The following CARD8 variants were observed in gnomAD, a reference collection of about 807,000 sequenced individuals.
CARD8 encodes the protein caspase recruitment domain family member 8, also known as caspase recruitment domain-containing protein 8.
Under a neutral mutation model 53.2 loss-of-function variants are expected in CARD8, and 38 were observed. The observed-to-expected ratio is 0.71, with a 90% CI of 0.55 to 0.94. CARD8 has a LOEUF of 0.94. Among genes scored for constraint, CARD8 ranks in the 40% least tolerant of loss-of-function variants. The pLI is 0.00. For missense variants in CARD8, 561 were observed against 655.5 expected (o/e 0.86, Z 1.57); for synonymous variants, 245 against 244.9 (o/e 1.00, Z 0.00).
chr19:48,209,977 T>C lies in CARD8; in HGVS notation c.*1733A>G, dbSNP rs2037736863. 1 of 152,230 alleles carries C rather than the reference T, an allele frequency of 6.6e-6. No homozygotes were observed. Among genetic ancestry groups the C allele is most frequent in the Non-Finnish European group, 1.5e-5 (1 of 68,040 alleles). The allele number at this position is 152,230 out of a possible 1,614,324, so 9.4% of individuals were successfully genotyped here. On this transcript the variant is annotated 3_prime_UTR_variant, in exon 14 of 14. Coordinates refer to ENST00000651546, the MANE Select transcript of CARD8 (RefSeq NM_001184900.3). ...TAAAAAGTATTTTTAGAAATTAGGC[T>C]GAAAACCTCTAAGTTTGGTAAAAGA...
chr19:48,232,480 G>A lies in CARD8; in HGVS notation c.364C>T (p.Gln122Ter). The change falls in exon 7 of 14, where the codon CAG becomes TAG. Residue 122 changes from glutamine (Q) to a stop codon, truncating the protein, a stop_gained. Coordinates refer to ENST00000651546, the MANE Select transcript of CARD8 (RefSeq NM_001184900.3). LOFTEE classifies it high-confidence loss of function. The stretch of plus-strand genomic sequence containing the variant: ...GAATCTTGTCCCTCTGAAGATTCCT[G>A]CTCTTCTGATACACTGGAGGTTGGG... Reference protein sequence around the residue: ...GGDIPSVSEEQESSEGQDSGD... With the variant: ...GGDIPSVSEE 6.5e-7 allele frequency: 1 copy of A among 1,535,844 alleles called. No homozygotes were observed. The highest frequency in any genetic ancestry group is 8.7e-7 in the Non-Finnish European group (1 of 1,146,646).
At position 48,215,417 on chromosome 19, in the gene CARD8, G is replaced by GAGATAAAT. The variant is rs2039064948; in HGVS notation, c.1304-41_1304-34dup. The GAGATAAAT allele has an allele frequency of 3.4e-6, 5 of 1,489,070 alleles. No individual in the cohort carries two copies. The Middle Eastern group carries it at 6.8e-4, about 203-fold the overall frequency. 92.2% of individuals were successfully genotyped at this position (1,489,070 alleles called of 1,614,324 possible). ...AGAGGGAAAAATTATATGATGAGAT[G>GAGATAAAT]AGATAAATCATGTACCCTTATTTAG... On this transcript the variant is annotated intron_variant, in intron 12 of 13. Transcript: ENST00000651546.
intron 5 of CARD8, among the ~76,000 whole-genome samples, chr19:48,235,356 G>A (rs554065107): frequency 6.6e-6 from 1 of 152,268 alleles, no homozygotes; most frequent in African/African-American, 2.4e-5. Context: ...TGTTAAATGT[G>A]AAAATCAGTT....
chr19:48,211,845 C>A lies in CARD8; in HGVS notation c.1479G>T (p.Lys493Asn). Reference sequence around the variant, plus strand: ...AGGCCTCATTCTTGCTCTGCCGTGTCTTTTCCTGCTCCACCAGCTCCTTCT... The same window carrying A: ...AGGCCTCATTCTTGCTCTGCCGTGTATTTTCCTGCTCCACCAGCTCCTTCT... Reference protein sequence around the residue: ...ENEKELVEQEKTRQSKNEALL... With the variant: ...ENEKELVEQENTRQSKNEALL... Residue 493 changes from lysine (K) to asparagine (N), a missense_variant, in exon 14 of 14, where the codon AAG becomes AAT. Lys to Asn is a moderately conservative substitution (Grantham distance 94, BLOSUM62 0). Coordinates refer to ENST00000651546, the MANE Select transcript of CARD8 (RefSeq NM_001184900.3). 2 of 1,614,180 alleles carry A rather than the reference C, an allele frequency of 1.2e-6. No homozygotes were observed. The highest frequency in any genetic ancestry group is 1.7e-5 in the Admixed American group (1 of 60,018).
intron 8 of CARD8, among the ~76,000 whole-genome samples, chr19:48,231,277 G>A (rs532794630): frequency 7.9e-5 from 12 of 152,142 alleles, no homozygotes; most frequent in Admixed American, 2.0e-4. Flanking sequence ...GGATGGAACC[G>A]ATACGCTTCC....
chr19:48,211,693 T>A lies in CARD8; in HGVS notation c.*17A>T, dbSNP rs1383303741. On this transcript the variant is annotated 3_prime_UTR_variant, in exon 14 of 14. Transcript: ENST00000651546. Reference sequence around the variant, plus strand: ...GAACGCTGGATTCTCTCTTCCAGACTACCTAACTGACTCATTTTACAAATT... The same window carrying A: ...GAACGCTGGATTCTCTCTTCCAGACAACCTAACTGACTCATTTTACAAATT... 3.1e-6 allele frequency: 5 copies of A among 1,610,316 alleles called. No individual in the cohort carries two copies. In the Admixed American group the frequency reaches 8.4e-5, roughly 27 times the overall value.
At chr19:48,247,153 G>A (rs112875637) in intron 3 of CARD8, among the ~76,000 whole-genome samples, 3 of 151,974 alleles carry the variant, frequency 2.0e-5, no homozygotes, top group South Asian at 4.1e-4. Flanking sequence ...GTGAAACCCC[G>A]TCTCTACGAA....
chr19:48,230,136 G>C (rs909744391), intron 10 of CARD8, among the ~76,000 whole-genome samples: 1 of 151,874 alleles, frequency 6.6e-6, no homozygotes, highest in Non-Finnish European at 1.5e-5. Flanking sequence ...AAACAACCTG[G>C]TGAAAAAATC....
chr19:48,236,579 C>T (rs2043928631), intron 5 of CARD8, among the ~76,000 whole-genome samples: 1 of 152,172 alleles, frequency 6.6e-6, no homozygotes, highest in Non-Finnish European at 1.5e-5. Flanking sequence ...CGGCGTGCAG[C>T]ACTGCTTTTA....
At chr19:48,219,923 A>G (rs1231099271) in intron 11 of CARD8, among the ~76,000 whole-genome samples, 1 of 152,130 alleles carries the variant, frequency 6.6e-6, no homozygotes, top group East Asian at 1.9e-4. Context: ...GTGAGCAGAC[A>G]TTGCGCCACT....
Position 48,230,674 on chromosome 19 carries a change from G to T in CARD8, c.799C>A (p.Leu267Ile), listed in dbSNP as rs1405926135. Residue 267 changes from leucine (L) to isoleucine (I), a missense_variant, in exon 10 of 14, where the codon CTC becomes ATC. Transcript: ENST00000651546. Reference sequence around the variant, plus strand: ...CCTTCATTCTTAAAATGGGCAACGAGAAACCAGGAGACGTCCACCTCACCT... The same window carrying T: ...CCTTCATTCTTAAAATGGGCAACGATAAACCAGGAGACGTCCACCTCACCT... Reference protein sequence around the residue: ...QAGEVDVSWFLVAHFKNEGMV... With the variant: ...QAGEVDVSWFIVAHFKNEGMV... The T allele has an allele frequency of 6.2e-7, 1 of 1,614,006 alleles. No individual in the cohort carries two copies. The highest frequency in any genetic ancestry group is 1.1e-5 in the South Asian group (1 of 91,080).
chr19:48,252,494 T>C (rs1490011696), intron 1 of CARD8, among the ~76,000 whole-genome samples: 1 of 143,254 alleles, frequency 7.0e-6, no homozygotes, highest in Non-Finnish European at 1.5e-5. Context: ...ATATAATATA[T>C]ATAATTTTTT....
intron 3 of CARD8, among the ~76,000 whole-genome samples, chr19:48,245,223 T>A (rs914632081): frequency 1.3e-5 from 2 of 152,202 alleles, no homozygotes; most frequent in Non-Finnish European, 1.5e-5. Flanking sequence ...TCTTTTTTTT[T>A]CTTTGAGACG....
At chr19:48,207,873 T>C (rs951670057), downstream of CARD8, among the ~76,000 whole-genome samples, 65 of 151,772 alleles carry the variant, frequency 4.3e-4, no homozygotes, top group Non-Finnish European at 4.4e-4. Flanking sequence ...GCAGCTGGGA[T>C]TACAGACATG....
chr19:48,223,231 G>A (rs940115186), intron 10 of CARD8, among the ~76,000 whole-genome samples: 1 of 151,798 alleles, frequency 6.6e-6, no homozygotes, highest in South Asian at 2.1e-4. Context: ...ATGAACCTGG[G>A]AGGCAGAGTT....
At chr19:48,216,553 A>G (rs2039342439) in intron 12 of CARD8, among the ~76,000 whole-genome samples, 2 of 152,192 alleles carry the variant, frequency 1.3e-5, no homozygotes, top group South Asian at 4.1e-4. Flanking sequence ...TGGAAACTCC[A>G]AGTGCAGTCC....
At chr19:48,253,606 G>T (rs2047209293) in intron 1 of CARD8, among the ~76,000 whole-genome samples, 1 of 152,178 alleles carries the variant, frequency 6.6e-6, no homozygotes, top group African/African-American at 2.4e-5. Context: ...ATAAAAGAAT[G>T]CAAGATGACT....
intron 6 of CARD8, chr19:48,233,977 A>C (rs1335184006): frequency 6.2e-6 from 1 of 160,530 alleles, no homozygotes; most frequent in African/African-American, 2.4e-5. Context: ...TGGTAGTTTG[A>C]AATCTGCCAT....
At chr19:48,247,315 C>T (rs866687545) in intron 3 of CARD8, among the ~76,000 whole-genome samples, 2 of 152,166 alleles carry the variant, frequency 1.3e-5, no homozygotes, top group Admixed American at 6.5e-5. Flanking sequence ...CACAGCAAGA[C>T]TCCATCTCAA....
Sources: gnomAD v4.1 joint callset for allele counts (sites outside exome capture counted in the v4.1 genomes callset) on GRCh38, gnomAD v4.1.1 for gene constraint, MANE v1.5 for transcripts, NCBI Gene and HGNC (gene_info 2026-07-23, HGNC 2026-07-21) for gene names.